ST6GALNAC5: variants seen among roughly 807,000 people sequenced by gnomAD.
ST6GALNAC5 encodes alpha-N-acetylgalactosaminide alpha-2,6-sialyltransferase 5.
Under a neutral mutation model 33.6 loss-of-function variants are expected in ST6GALNAC5, and 27 were observed. The ratio of observed to expected loss-of-function variants is 0.80; its 90% confidence interval spans 0.59 to 1.11. The LOEUF (loss-of-function observed/expected upper bound fraction) is 1.11. ST6GALNAC5 is among the 50% of genes least tolerant of loss of function. The pLI is 0.00. For missense variants in ST6GALNAC5, 428 were observed against 454.0 expected (o/e 0.94, Z 0.52); for synonymous variants, 194 against 171.2 (o/e 1.13, Z -1.04).
intron 4 of ST6GALNAC5, among the ~76,000 whole-genome samples, chr1:77,054,924 G>A (rs1203594429): frequency 6.6e-6 from 1 of 152,064 alleles, no homozygotes; most frequent in Non-Finnish European, 1.5e-5. Flanking sequence ...CATATAAATG[G>A]CCATGGTGGC....
intron 4 of ST6GALNAC5, among the ~76,000 whole-genome samples, chr1:77,051,596 C>T (rs1327591866): frequency 6.6e-6 from 1 of 152,186 alleles, no homozygotes; most frequent in Non-Finnish European, 1.5e-5. Flanking sequence ...TAAGCTAATA[C>T]ATGTGAAATG....
chr1:76,884,752 G>A (rs1019182677), intron 2 of ST6GALNAC5, among the ~76,000 whole-genome samples: 16 of 152,118 alleles, frequency 1.1e-4, no homozygotes, highest in African/African-American at 1.9e-4. Flanking sequence ...CAATGCCTAC[G>A]AAGGACTCAA....
At chr1:76,867,975 C>T (rs1317243419) in intron 1 of ST6GALNAC5, among the ~76,000 whole-genome samples, 2 of 152,092 alleles carry the variant, frequency 1.3e-5, no homozygotes, top group African/African-American at 4.8e-5. Flanking sequence ...GAGGAGTGGG[C>T]AGATTGCTCA....
intron 2 of ST6GALNAC5, among the ~76,000 whole-genome samples, chr1:77,031,394 A>G (rs1651450414): frequency 6.6e-6 from 1 of 152,210 alleles, no homozygotes; most frequent in African/African-American, 2.4e-5. Context: ...AGCCCCTAAC[A>G]CAGGCAGTTC....
chr1:76,884,028 G>T (rs1234927819), intron 2 of ST6GALNAC5, among the ~76,000 whole-genome samples: 1 of 152,178 alleles, frequency 6.6e-6, no homozygotes, highest in Non-Finnish European at 1.5e-5. Flanking sequence ...GTGTGCCAGT[G>T]GATCACCCTG....
At chr1:76,873,915 A>C (rs1189123411) in intron 2 of ST6GALNAC5, among the ~76,000 whole-genome samples, 1 of 152,208 alleles carries the variant, frequency 6.6e-6, no homozygotes, top group Non-Finnish European at 1.5e-5. Context: ...TGGAGGAAGA[A>C]CACAATCCCT....
intron 2 of ST6GALNAC5, among the ~76,000 whole-genome samples, chr1:76,988,285 C>G (rs982663953): frequency 1.3e-5 from 2 of 151,900 alleles, no homozygotes; most frequent in Admixed American, 6.6e-5. Flanking sequence ...TCCTGTATCA[C>G]GTTTTTGATT....
intron 2 of ST6GALNAC5, among the ~76,000 whole-genome samples, chr1:77,004,133 C>T (rs1188263951): frequency 6.6e-6 from 1 of 151,726 alleles, no homozygotes; most frequent in Non-Finnish European, 1.5e-5. Context: ...GTACACCAAT[C>T]AGACGTAGAT....
In ST6GALNAC5 at chr1:77,059,488, C is replaced by G. The variant is rs576158491; in HGVS notation, c.780-3487C>G. Among the ~76,000 whole-genome samples, 5 of 152,296 alleles carry G rather than the reference C, an allele frequency of 3.3e-5. No homozygotes were observed. In the South Asian group the frequency reaches 1.0e-3, roughly 32 times the overall value. ...TTATGCATTACTGAGAAGGATACCA[C>G]AGAAGCCATAGGCCCTTCCCAGAAT... On this transcript the variant is annotated intron_variant, in intron 4 of 4. Coordinates refer to ENST00000477717, the MANE Select transcript of ST6GALNAC5 (RefSeq NM_030965.3).
At chr1:76,930,881 G>A (rs1358860540) in intron 2 of ST6GALNAC5, among the ~76,000 whole-genome samples, 1 of 152,086 alleles carries the variant, frequency 6.6e-6, no homozygotes, top group African/African-American at 2.4e-5. Flanking sequence ...ATTGGTTGTG[G>A]CAGAGACACT....
At chr1:76,874,921 A>C (rs1653601479) in intron 2 of ST6GALNAC5, among the ~76,000 whole-genome samples, 1 of 152,208 alleles carries the variant, frequency 6.6e-6, no homozygotes, top group African/African-American at 2.4e-5. Context: ...AATGCCTAAC[A>C]TAATAAAACT....
chr1:76,872,233 G>T (rs1653526465), intron 2 of ST6GALNAC5, among the ~76,000 whole-genome samples: 1 of 152,076 alleles, frequency 6.6e-6, no homozygotes, highest in African/African-American at 2.4e-5. Context: ...GGTAGATGAG[G>T]TCATTTGCCA....
intron 2 of ST6GALNAC5, among the ~76,000 whole-genome samples, chr1:76,947,263 A>C (rs1192873834): frequency 6.6e-6 from 1 of 152,170 alleles, no homozygotes; most frequent in Non-Finnish European, 1.5e-5. Context: ...AGCAGAAAGC[A>C]CGTAGAAAAT....
intron 2 of ST6GALNAC5, among the ~76,000 whole-genome samples, chr1:76,895,146 G>A (rs1029545798): frequency 2.0e-5 from 3 of 152,156 alleles, no homozygotes; most frequent in African/African-American, 7.2e-5. Flanking sequence ...AGTTAAGGCA[G>A]GAACCGGCCA....
intron 2 of ST6GALNAC5, among the ~76,000 whole-genome samples, chr1:76,957,354 G>A (rs181193070): frequency 1.0e-3 from 152 of 152,198 alleles, no homozygotes; most frequent in Non-Finnish European, 1.7e-3. Context: ...TTCCTCATGG[G>A]TCTCTCTGTC....
intron 2 of ST6GALNAC5, among the ~76,000 whole-genome samples, chr1:76,985,789 A>G (rs993737501): frequency 4.6e-5 from 7 of 152,114 alleles, no homozygotes; most frequent in South Asian, 2.1e-4. Flanking sequence ...AAACAGCATG[A>G]TACTGGTACC....
chr1:77,037,906 C>G (rs1334268768), intron 2 of ST6GALNAC5, among the ~76,000 whole-genome samples: 1 of 152,134 alleles, frequency 6.6e-6, no homozygotes, highest in Non-Finnish European at 1.5e-5. Context: ...CAAGAAAGAT[C>G]CTTGAATTTG....
At chr1:76,903,886 A>C (rs1646840497) in intron 2 of ST6GALNAC5, among the ~76,000 whole-genome samples, 1 of 152,164 alleles carries the variant, frequency 6.6e-6, no homozygotes, top group African/African-American at 2.4e-5. Flanking sequence ...AACAGAAAGT[A>C]GATTAGTGAT....
intron 2 of ST6GALNAC5, among the ~76,000 whole-genome samples, chr1:77,018,132 C>T (rs199686): frequency 0.29 from 43,891 of 152,068 alleles, 6,908 homozygotes; most frequent in African/African-American, 0.39. Context: ...AAGAAGAAGA[C>T]TGTATCAGGG....
Sources: gnomAD v4.1 joint callset for allele counts (sites outside exome capture counted in the v4.1 genomes callset) on GRCh38, gnomAD v4.1.1 for gene constraint, MANE v1.5 for transcripts, NCBI Gene and HGNC (gene_info 2026-07-23, HGNC 2026-07-21) for gene names.